BRD4: variants seen among roughly 807,000 people sequenced by gnomAD.
BRD4 encodes bromodomain-containing protein 4.
In BRD4, 16 loss-of-function variants were observed where a neutral mutation model predicts 142.1. The observed-to-expected ratio is 0.11, with a 90% CI of 0.08 to 0.17. BRD4 has a LOEUF of 0.17. BRD4 is among the 10% of genes least tolerant of loss of function. The probability of loss-of-function intolerance (pLI) is 1.00; values close to 1 mark genes in which losing one functional copy is unlikely to be tolerated. For synonymous variants in BRD4, 833 were observed against 707.5 expected (o/e 1.18, Z -2.82); for missense variants, 1,424 against 1,810.9 (o/e 0.79, Z 3.88).
At chr19:15,291,981 A>T (rs1482917667) in intron 1 of BRD4, among the ~76,000 whole-genome samples, 2 of 152,226 alleles carry the variant, frequency 1.3e-5, no homozygotes, top group Admixed American at 1.3e-4. Context: ...ACATTCTTAC[A>T]GCCAAAAGGA....
chr19:15,327,670 C>T (rs2048120672), intron 1 of BRD4, among the ~76,000 whole-genome samples: 1 of 151,996 alleles, frequency 6.6e-6, no homozygotes, highest in Admixed American at 6.6e-5. Flanking sequence ...TGTAGCATAG[C>T]CATATAATGG....
At chr19:15,240,700 G>A (rs2047231698) in intron 14 of BRD4, among the ~76,000 whole-genome samples, 1 of 152,196 alleles carries the variant, frequency 6.6e-6, no homozygotes. Flanking sequence ...GCAGCCACAG[G>A]GACTACTGGG....
Position 15,251,921 on chromosome 19 carries a change from C to T in BRD4, c.2158+2231G>A, listed in dbSNP as rs561353787. Among the ~76,000 whole-genome samples the T allele has an allele frequency of 3.6e-4, 55 of 152,334 alleles. 1 individual carries two copies. The highest frequency in any genetic ancestry group is 3.2e-3 in the Admixed American group (49 of 15,306). Reference sequence around the variant, plus strand: ...GGGAAGGCCAGAGCCCAGATAGCTGCATGAGCGGCCAGGGCTGGACCGCCA... The same window carrying T: ...GGGAAGGCCAGAGCCCAGATAGCTGTATGAGCGGCCAGGGCTGGACCGCCA... On this transcript the variant is annotated intron_variant, in intron 11 of 19. Coordinates refer to ENST00000679869, the MANE Select transcript of BRD4 (RefSeq NM_001379291.1).
intron 1 of BRD4, among the ~76,000 whole-genome samples, chr19:15,314,110 C>G (rs1386189076): frequency 1.3e-5 from 2 of 152,208 alleles, no homozygotes; most frequent in Non-Finnish European, 2.9e-5. Flanking sequence ...TACCACAGCT[C>G]AGCCTTGAGT....
intron 1 of BRD4, chr19:15,280,416 T>G (rs1568396229): frequency 1.1e-5 from 11 of 1,015,608 alleles, no homozygotes; most frequent in Non-Finnish European, 1.3e-5. Flanking sequence ...AAGCTGGGTC[T>G]TAAGTCAGAC....
rs766399636 is a variant in BRD4, at chr19:15,255,566, C to T, written c.1778G>A (p.Ser593Asn). The T allele has an allele frequency of 4.3e-6, 7 of 1,609,264 alleles. No individual in the cohort carries two copies. Among genetic ancestry groups the T allele is most frequent in the South Asian group, 3.3e-5 (3 of 91,028 alleles). Residue 593 changes from serine to asparagine, a missense_variant, in exon 10 of 20, where the codon AGC (serine) becomes AAC (asparagine). By Grantham distance (46) the Ser-to-Asn change is conservative. This residue lies in a region of BRD4 where 86 missense variants were observed against 78.9 expected (regional missense o/e 1.09). Transcript: ENST00000679869. ...VSKKEPAPMK[S>N]KPPPTYESEE... is the part of the protein sequence containing the mutation. ...CGACTCATACGTGGGAGGGGGCTTG[C>T]TCTTCATGGGCGCTGGCTCCTTCTT...
At chr19:15,317,744 G>C (rs2048029002) in intron 1 of BRD4, among the ~76,000 whole-genome samples, 1 of 152,168 alleles carries the variant, frequency 6.6e-6, no homozygotes, top group Non-Finnish European at 1.5e-5. Context: ...TAAAGACTGA[G>C]GATAAGCAAG....
chr19:15,318,332 A>C (rs187106847), intron 1 of BRD4, among the ~76,000 whole-genome samples: 5 of 152,310 alleles, frequency 3.3e-5, no homozygotes, highest in Non-Finnish European at 5.9e-5. Flanking sequence ...TATTCTTAGA[A>C]GTAATAAGAG....
At chr19:15,329,474 C>T (rs1344939031) in intron 1 of BRD4, among the ~76,000 whole-genome samples, 1 of 152,204 alleles carries the variant, frequency 6.6e-6, no homozygotes, top group Admixed American at 6.5e-5. Flanking sequence ...GGCGCAGTGG[C>T]TCATGCCTGT....
intron 1 of BRD4, among the ~76,000 whole-genome samples, chr19:15,327,711 T>C (rs114918241): frequency 0.012 from 1,893 of 152,142 alleles, 35 homozygotes; most frequent in African/African-American, 0.044. Context: ...AGGAATGAAG[T>C]ACTGATTCAT....
At chr19:15,310,601 C>T (rs983950039) in intron 1 of BRD4, among the ~76,000 whole-genome samples, 4 of 151,874 alleles carry the variant, frequency 2.6e-5, no homozygotes, top group African/African-American at 4.8e-5. Flanking sequence ...CCTCGTGATC[C>T]GCCCGCCTCG....
intron 1 of BRD4, among the ~76,000 whole-genome samples, chr19:15,281,339 G>A (rs1402289415): frequency 6.6e-6 from 1 of 152,218 alleles, no homozygotes; most frequent in African/African-American, 2.4e-5. Context: ...TACTGGCCTT[G>A]CTGCTAGGGG....
intron 1 of BRD4, among the ~76,000 whole-genome samples, chr19:15,274,541 G>T (rs771259720): frequency 6.6e-6 from 1 of 152,242 alleles, no homozygotes; most frequent in Admixed American, 6.5e-5. Context: ...CACACGCCAG[G>T]TAAGTGATGG....
intron 1 of BRD4, among the ~76,000 whole-genome samples, chr19:15,303,193 T>C (rs1247529186): frequency 6.6e-6 from 1 of 152,118 alleles, no homozygotes; most frequent in Non-Finnish European, 1.5e-5. Context: ...AGAGAAGCTA[T>C]TTCCAGCTCA....
intron 1 of BRD4, among the ~76,000 whole-genome samples, chr19:15,315,423 G>A (rs1294055008): frequency 1.3e-5 from 2 of 152,062 alleles, no homozygotes; most frequent in Admixed American, 6.6e-5. Context: ...TCCAGCACAC[G>A]CATTGGACAT....
At chr19:15,271,693 ACTC>A (rs1169936982) in intron 2 of BRD4, among the ~76,000 whole-genome samples, 1 of 151,572 alleles carries the variant, frequency 6.6e-6, no homozygotes, top group Admixed American at 6.6e-5. Flanking sequence ...GACTGCCTCC[ACTC>A]CTCATCTTGG....
chr19:15,314,856 G>A (rs759271976), intron 1 of BRD4, among the ~76,000 whole-genome samples: 9 of 152,142 alleles, frequency 5.9e-5, no homozygotes, highest in Non-Finnish European at 1.0e-4. Context: ...GTAATACACT[G>A]TAAAATAAGT....
At chr19:15,318,804 C>G (rs1253110982) in intron 1 of BRD4, among the ~76,000 whole-genome samples, 1 of 152,138 alleles carries the variant, frequency 6.6e-6, no homozygotes, top group Non-Finnish European at 1.5e-5. Flanking sequence ...AGACCCTCAT[C>G]TGCGGCCTTT....
At chr19:15,302,333 A>G (rs1342075078) in intron 1 of BRD4, among the ~76,000 whole-genome samples, 1 of 152,196 alleles carries the variant, frequency 6.6e-6, no homozygotes, top group African/African-American at 2.4e-5. Flanking sequence ...GCAGGCAAGG[A>G]CAGCCTGGTC....
Sources: allele counts gnomAD v4.1 joint callset (sites outside exome capture counted in the v4.1 genomes callset), GRCh38; gene constraint gnomAD v4.1.1; regional missense constraint gnomAD v4.1.1; transcripts MANE v1.5; gene names NCBI Gene and HGNC (gene_info 2026-07-23, HGNC 2026-07-21).